SLC25A51: variants seen among roughly 807,000 people sequenced by gnomAD.
SLC25A51 encodes the protein solute carrier family 25 member 51.
SLC25A51 carries 11 observed loss-of-function variants against 19.1 expected under a neutral mutation model. The observed-to-expected ratio is 0.58, with a 90% CI of 0.36 to 0.96. The LOEUF (loss-of-function observed/expected upper bound fraction) is 0.96, where lower values mean the gene tolerates loss of function less well. Among genes scored for constraint, SLC25A51 ranks in the 40% least tolerant of loss-of-function variants. The pLI is 0.01. For missense variants in SLC25A51, 201 were observed against 365.4 expected (o/e 0.55, Z 3.67); for synonymous variants, 105 against 133.6 (o/e 0.79, Z 1.47).
chr9:37,898,438 C>T (rs1048523097), intron 2 of SLC25A51, among the ~76,000 whole-genome samples: 1 of 152,138 alleles, frequency 6.6e-6, no homozygotes, highest in African/African-American at 2.4e-5. Flanking sequence ...GCCTGTAATC[C>T]TAGCTATTCG....
intron 2 of SLC25A51, among the ~76,000 whole-genome samples, chr9:37,893,700 C>G (rs1831647490): frequency 6.6e-6 from 1 of 152,164 alleles, no homozygotes; most frequent in East Asian, 1.9e-4. Flanking sequence ...CCTGTATGCT[C>G]CACTGAGAGA....
At chr9:37,889,976 A>G (rs886657698) in intron 2 of SLC25A51, among the ~76,000 whole-genome samples, 2 of 151,988 alleles carry the variant, frequency 1.3e-5, no homozygotes, top group Admixed American at 1.3e-4. Context: ...TAGATATAAT[A>G]GAAATATATA....
intron 2 of SLC25A51, among the ~76,000 whole-genome samples, chr9:37,892,388 C>A (rs993233249): frequency 6.6e-6 from 1 of 152,174 alleles, no homozygotes; most frequent in Non-Finnish European, 1.5e-5. Flanking sequence ...AAAGGAGCAG[C>A]GGCATCGCGT....
At chr9:37,882,945 G>T (rs1209206090), downstream of SLC25A51, among the ~76,000 whole-genome samples, 1 of 152,176 alleles carries the variant, frequency 6.6e-6, no homozygotes, top group African/African-American at 2.4e-5. Context: ...CCAGGTTCAA[G>T]CGATTCTCCT....
intron 2 of SLC25A51, among the ~76,000 whole-genome samples, chr9:37,881,936 G>T (rs1831356732): frequency 6.6e-6 from 1 of 151,880 alleles, no homozygotes; most frequent in African/African-American, 2.4e-5. Context: ...CAAAAAAAAA[G>T]TGTTAACTCT....
chr9:37,885,362 A>AC (rs1362816903), downstream of SLC25A51, among the ~76,000 whole-genome samples: 1 of 151,648 alleles, frequency 6.6e-6, no homozygotes, highest in Non-Finnish European at 1.5e-5. Flanking sequence ...AAAAAAAAAA[A>AC]AAAAAACCTT....
At chr9:37,898,555 CAA>C (rs530973557) in intron 2 of SLC25A51, among the ~76,000 whole-genome samples, 1 of 126,292 alleles carries the variant, frequency 7.9e-6, no homozygotes. Flanking sequence ...AACTCCATCT[CAA>C]AAAAAAAAAA....
chr9:37,880,074 C>A (rs1158027277), exon 4 of SLC25A51: 4 of 152,236 alleles, frequency 2.6e-5, no homozygotes, highest in African/African-American at 9.7e-5. Context: ...AATCCCAGCA[C>A]TTTGGGAGGC....
intron 2 of SLC25A51, among the ~76,000 whole-genome samples, chr9:37,895,234 T>C (rs1220263331): frequency 2.0e-5 from 3 of 152,110 alleles, no homozygotes; most frequent in African/African-American, 7.2e-5. Flanking sequence ...CAAGGTCTCA[T>C]TCTGTTGCCC....
intron 2 of SLC25A51, among the ~76,000 whole-genome samples, chr9:37,882,489 C>T (rs775602795): frequency 2.6e-5 from 4 of 152,320 alleles, no homozygotes; most frequent in Middle Eastern, 3.4e-3. Flanking sequence ...TATACACAAA[C>T]GCTTCTGTTT....
intron 1 of SLC25A51, 68 bp from the exon 2 acceptor site, chr9:37,900,018 T>G (rs1386894660): frequency 7.4e-6 from 1 of 135,968 alleles, no homozygotes; most frequent in Non-Finnish European, 1.5e-5. Flanking sequence ...TTTTTTTTTT[T>G]GTAGAGACAG....
chr9:37,885,859 T>G (rs1318104066), downstream of SLC25A51: 2 of 1,599,836 alleles, frequency 1.3e-6, no homozygotes, highest in East Asian at 4.5e-5. Flanking sequence ...CTCTGCATAG[T>G]GTTCCTGATG....
At chr9:37,885,363 A>AAC (rs1831428648), downstream of SLC25A51, among the ~76,000 whole-genome samples, 1 of 151,686 alleles carries the variant, frequency 6.6e-6, no homozygotes, top group African/African-American at 2.4e-5. Flanking sequence ...AAAAAAAAAA[A>AAC]AAAAACCTTG....
chr9:37,900,868 G>GT (rs751127668), intron 1 of SLC25A51, among the ~76,000 whole-genome samples: 11 of 152,078 alleles, frequency 7.2e-5, no homozygotes, highest in African/African-American at 1.2e-4. Flanking sequence ...GTTTTGTTTT[G>GT]TTTTTTTGAG....
chr9:37,899,758 C>A (rs1164117176), intron 2 of SLC25A51, 71 bp downstream of exon 2: 1 of 99,548 alleles, frequency 1.0e-5, no homozygotes, highest in Non-Finnish European at 2.2e-5. Context: ...CGCCCCCCCA[C>A]CCCCATCATA....
At chr9:37,881,304 A>T (rs369293272) in intron 3 of SLC25A51, among the ~76,000 whole-genome samples, 1 of 152,244 alleles carries the variant, frequency 6.6e-6, no homozygotes, top group East Asian at 1.9e-4. Flanking sequence ...CTGATAAGCT[A>T]AACCAAGAAA....
At chr9:37,886,002 A>G, downstream of SLC25A51, 1 of 1,613,790 alleles carries the variant, frequency 6.2e-7, no homozygotes, top group Admixed American at 1.7e-5. Context: ...AATTGGTCTA[A>G]TGACTGCCAA....
chr9:37,886,929 C>T (rs1174480348), downstream of SLC25A51, among the ~76,000 whole-genome samples: 1 of 151,320 alleles, frequency 6.6e-6, no homozygotes, highest in Non-Finnish European at 1.5e-5. Context: ...TTTGGGAGGC[C>T]GAGGCGGGTG....
chr9:37,891,849 A>T (rs866833595), intron 2 of SLC25A51, among the ~76,000 whole-genome samples: 1,450 of 34,544 alleles, frequency 0.042, 28 homozygotes, highest in African/African-American at 0.16. Context: ...CAAGAATGAT[A>T]AAAAAAAAAA....
Sources: gnomAD v4.1 joint callset for allele counts (sites outside exome capture counted in the v4.1 genomes callset) on GRCh38, gnomAD v4.1.1 for gene constraint, MANE v1.5 for transcripts, NCBI Gene and HGNC (gene_info 2026-07-23, HGNC 2026-07-21) for gene names.